The following NREP variants were observed in gnomAD, a reference collection of about 807,000 sequenced individuals.
NREP encodes neuronal regeneration related protein, also known as neuronal regeneration-related protein.
A neutral mutation model predicts 8.6 loss-of-function variants in NREP; 5 were observed. The observed-to-expected ratio is 0.58, with a 90% CI of 0.30 to 1.22. NREP has a LOEUF of 1.22. NREP is among the 50% of genes most tolerant of loss of function. NREP has a pLI of 0.07. For missense variants in NREP, 86 were observed against 82.5 expected (o/e 1.04, Z -0.17); for synonymous variants, 27 against 28.0 (o/e 0.96, Z 0.11).
chr5:111,964,129 C>T (rs760689111), intron 2 of NREP, among the ~76,000 whole-genome samples: 31 of 152,110 alleles, frequency 2.0e-4, no homozygotes, highest in Non-Finnish European at 3.4e-4. Context: ...ATGTAATAGC[C>T]GTTCCCTTGC....
At chr5:111,779,697 G>GTA (rs1216139073) in intron 2 of NREP, among the ~76,000 whole-genome samples, 1 of 152,166 alleles carries the variant, frequency 6.6e-6, no homozygotes. Context: ...TATTCAGAGA[G>GTA]TATATCTTTC....
At chr5:111,869,183 T>C (rs1305444775) in intron 2 of NREP, among the ~76,000 whole-genome samples, 70 of 152,154 alleles carry the variant, frequency 4.6e-4, no homozygotes, top group Non-Finnish European at 1.5e-5. Context: ...TAGAAGTAGA[T>C]ATAGAATCTC....
intron 2 of NREP, among the ~76,000 whole-genome samples, chr5:111,811,158 C>T (rs892246574): frequency 6.6e-6 from 1 of 152,106 alleles, no homozygotes; most frequent in Non-Finnish European, 1.5e-5. Context: ...ATGCCTATGC[C>T]CGCCTTTAGA....
At chr5:111,806,907 T>C (rs80065986) in intron 2 of NREP, among the ~76,000 whole-genome samples, 11,627 of 151,930 alleles carry the variant, frequency 0.077, 538 homozygotes, top group African/African-American at 0.12. Flanking sequence ...CAGAGATCAT[T>C]CTCTGGGAGC....
intron 2 of NREP, among the ~76,000 whole-genome samples, chr5:111,736,473 C>T (rs1026503898): frequency 4.6e-5 from 7 of 152,254 alleles, no homozygotes; most frequent in East Asian, 1.9e-4. Context: ...TAATAAACAA[C>T]AATTAAGAGT....
At chr5:111,950,161 T>C (rs1277435510) in intron 2 of NREP, among the ~76,000 whole-genome samples, 1 of 152,062 alleles carries the variant, frequency 6.6e-6, no homozygotes, top group Admixed American at 6.6e-5. Context: ...ACTGTGGTTT[T>C]GATTTGCATT....
At chr5:111,759,447 C>T (rs1257819436), upstream of NREP, among the ~76,000 whole-genome samples, 1 of 147,920 alleles carries the variant, frequency 6.8e-6, no homozygotes, top group African/African-American at 2.5e-5. Context: ...GAAATGGAGA[C>T]TTACCATGTT....
intron 2 of NREP, among the ~76,000 whole-genome samples, chr5:111,780,967 G>A (rs565087022): frequency 6.6e-6 from 1 of 152,030 alleles, no homozygotes; most frequent in Non-Finnish European, 1.5e-5. Context: ...TGTCATAGGG[G>A]TTTGTTATAT....
intron 2 of NREP, among the ~76,000 whole-genome samples, chr5:111,971,051 C>T (rs1756802739): frequency 6.6e-6 from 1 of 151,968 alleles, no homozygotes; most frequent in African/African-American, 2.4e-5. Flanking sequence ...TAACAAGTTC[C>T]CCTTCCCCTA....
intron 2 of NREP, among the ~76,000 whole-genome samples, chr5:111,940,296 T>C (rs979415856): frequency 6.6e-6 from 1 of 152,020 alleles, no homozygotes; most frequent in African/African-American, 2.4e-5. Context: ...GGATAAAAGA[T>C]AAAACAAAAA....
At chr5:111,955,166 G>A (rs1254827149) in intron 2 of NREP, among the ~76,000 whole-genome samples, 1 of 152,038 alleles carries the variant, frequency 6.6e-6, no homozygotes, top group Admixed American at 6.6e-5. Flanking sequence ...TAAGTAAAAG[G>A]TTATGGTGAG....
At chr5:111,880,609 C>A (rs75975842) in intron 2 of NREP, among the ~76,000 whole-genome samples, 3,430 of 152,094 alleles carry the variant, frequency 0.023, 52 homozygotes, top group Non-Finnish European at 0.027. Context: ...AAGACTTCAA[C>A]TAAATCCTTT....
At chr5:111,781,683 T>C (rs1214831918) in intron 2 of NREP, among the ~76,000 whole-genome samples, 1 of 152,192 alleles carries the variant, frequency 6.6e-6, no homozygotes, top group Admixed American at 6.5e-5. Context: ...ATAACAACTT[T>C]GTGATGAAAT....
chr5:111,787,997 C>T lies in NREP; in HGVS notation c.136-52490G>A, dbSNP rs576607981. Among the ~76,000 whole-genome samples the T allele has an allele frequency of 1.4e-3, 207 of 152,212 alleles. 1 individual carries two copies. The highest frequency in any genetic ancestry group is 4.9e-3 in the African/African-American group (205 of 41,534). ...CCTGTGGCCCCAGCTACTTTGGAAG[C>T]TGGGAGGATTGTTTGAGCCCAGGAG... On this transcript the variant is annotated intron_variant, in intron 2 of 3. Coordinates refer to the NREP transcript ENST00000395634.
chr5:111,758,153 C>A, upstream of NREP: 1 of 985,604 alleles, frequency 1.0e-6, no homozygotes, highest in Non-Finnish European at 1.2e-6. Flanking sequence ...CCACTCCCTT[C>A]CGCGGGGAAG....
intron 2 of NREP, among the ~76,000 whole-genome samples, chr5:111,965,022 C>G (rs1214383688): frequency 1.3e-5 from 2 of 151,872 alleles, no homozygotes; most frequent in Non-Finnish European, 2.9e-5. Flanking sequence ...GTGTCATCAG[C>G]GATCCTGGTA....
Position 111,755,818 on chromosome 5 carries a change from C to T in NREP, c.-46G>A, listed in dbSNP as rs200844188. ...GCTTCTATTCTCCCTCTCTTCAGTC[C>T]AGGGAGACCAACCTGCAAAATATGT... On this transcript the variant is annotated 5_prime_UTR_variant, in exon 2 of 4. Coordinates refer to ENST00000257435, the MANE Select transcript of NREP (RefSeq NM_004772.4). The T allele has an allele frequency of 2.0e-5, 32 of 1,613,442 alleles. No individual in the cohort carries two copies. The East Asian group carries it at 7.1e-4, about 36-fold the overall frequency.
At chr5:111,755,564 T>C (rs1253576787) in intron 2 of NREP, 2 of 616,838 alleles carry the variant, frequency 3.2e-6, no homozygotes, top group Non-Finnish European at 5.9e-6. Context: ...TCAAAATAAT[T>C]GCAAGTCAAA....
At chr5:111,968,072 A>T (rs1009263679) in intron 2 of NREP, among the ~76,000 whole-genome samples, 22 of 152,142 alleles carry the variant, frequency 1.4e-4, no homozygotes, top group African/African-American at 3.6e-4. Context: ...TTAAAGACAA[A>T]CAAAAAGGCT....
Sources: allele counts gnomAD v4.1 joint callset (sites outside exome capture counted in the v4.1 genomes callset), GRCh38; gene constraint gnomAD v4.1.1; transcripts MANE v1.5; gene names NCBI Gene and HGNC (gene_info 2026-07-23, HGNC 2026-07-21).